The following HIP1 variants were observed in gnomAD, a reference collection of about 807,000 sequenced individuals.
The protein encoded by HIP1 is huntingtin interacting protein 1, also known as huntingtin-interacting protein 1.
In HIP1, 65 loss-of-function variants were observed where a neutral mutation model predicts 147.6. The ratio of observed to expected loss-of-function variants is 0.44; its 90% CI spans 0.36 to 0.54. HIP1 has a LOEUF of 0.54. Among genes scored for constraint, HIP1 ranks in the 20% least tolerant of loss-of-function variants. The probability of loss-of-function intolerance (pLI) is 0.00; values close to 1 mark genes in which losing one functional copy is unlikely to be tolerated. For missense variants in HIP1, 1,061 were observed against 1,299.6 expected, an observed-to-expected ratio of 0.82 and a Z score of 2.82; for synonymous variants, 479 against 504.0, an observed-to-expected ratio of 0.95 and a Z score of 0.67.
intron 23 of HIP1, among the ~76,000 whole-genome samples, chr7:75,548,483 T>G (rs1554491464): frequency 3.3e-5 from 5 of 151,840 alleles, no homozygotes; most frequent in Non-Finnish European, 7.4e-5. Flanking sequence ...TTTTTATAAT[T>G]TAAAAACATT....
Position 75,592,039 on chromosome 7 carries a change from T to C in HIP1, c.384+17A>G, listed in dbSNP as rs1386109090. 1 of 1,610,130 alleles carries C rather than the reference T, an allele frequency of 6.2e-7. No homozygotes were observed. Among genetic ancestry groups the C allele is most frequent in the Non-Finnish European group, 8.5e-7 (1 of 1,176,358 alleles). The stretch of plus-strand genomic sequence containing the variant: ...AAAGGAGAAGCAGGTGGCTCCTGAG[T>C]ACATCTCCAAACTCACCCACATCCT... On this transcript the variant is annotated intron_variant, in intron 4 of 30. Transcript: ENST00000336926.
chr7:75,617,841 G>T (rs1554506384), intron 1 of HIP1, among the ~76,000 whole-genome samples: 2 of 152,208 alleles, frequency 1.3e-5, no homozygotes, highest in South Asian at 2.1e-4. Flanking sequence ...AGTCACGCTG[G>T]CAGGTATTGC....
intron 28 of HIP1, among the ~76,000 whole-genome samples, chr7:75,542,479 A>T (rs1554490100): frequency 6.6e-6 from 1 of 151,300 alleles, no homozygotes; most frequent in East Asian, 2.0e-4. Context: ...TGGGCAGATC[A>T]CCTGAGGTGA....
At chr7:75,573,963 G>C in intron 7 of HIP1, 62 bp from the exon 8 acceptor site, 3 of 1,483,218 alleles carry the variant, frequency 2.0e-6, no homozygotes, top group South Asian at 1.2e-5. Flanking sequence ...AGCCTCTTCA[G>C]AGGGGCAGAG....
At chr7:75,553,350 G>T in intron 22 of HIP1, 103 bp downstream of exon 22, 1 of 1,366,432 alleles carries the variant, frequency 7.3e-7, no homozygotes. Flanking sequence ...CAAGTTCTAA[G>T]TGCAGAAAGA....
chr7:75,538,362 C>T (rs1401902687), intron 30 of HIP1, 138 bp from the exon 31 acceptor site: 14 of 725,328 alleles, frequency 1.9e-5, no homozygotes, highest in East Asian at 2.6e-5. Flanking sequence ...CCCCAAGTTT[C>T]GTGTCTAGGA....
intron 16 of HIP1, 83 bp from the exon 17 acceptor site, chr7:75,556,894 C>T: frequency 1.2e-6 from 1 of 854,044 alleles, no homozygotes; most frequent in Non-Finnish European, 2.0e-6. Flanking sequence ...CCCAAGCGAT[C>T]AACAAGAGAT....
intron 1 of HIP1, among the ~76,000 whole-genome samples, chr7:75,670,964 T>A (rs1296052023): frequency 2.6e-5 from 4 of 152,002 alleles, no homozygotes; most frequent in African/African-American, 9.7e-5. Flanking sequence ...ACTAAGTACC[T>A]CATATAACGG....
intron 19 of HIP1, among the ~76,000 whole-genome samples, chr7:75,555,195 C>G (rs1167808): frequency 9.0e-3 from 212 of 23,610 alleles, no homozygotes; most frequent in African/African-American, 0.019. Context: ...AGCGGGGGGG[C>G]GGGGGGGGGG....
chr7:75,738,738 C>A, intron 1 of HIP1, 63 bp downstream of exon 1: 3 of 1,556,422 alleles, frequency 1.9e-6, no homozygotes, highest in Non-Finnish European at 1.7e-6. Context: ...CCCTTCAAAG[C>A]CCCTCCCGGA....
chr7:75,595,187 C>CCTTTCTTTCT (rs1796645536), intron 2 of HIP1, among the ~76,000 whole-genome samples: 1 of 108,340 alleles, frequency 9.2e-6, no homozygotes, highest in Non-Finnish European at 2.0e-5. Flanking sequence ...GTGTAGGAGT[C>CCTTTCTTTCT]CTTTCTTTCT....
chr7:75,595,331 C>T (rs1359866514), intron 2 of HIP1, among the ~76,000 whole-genome samples: 1 of 146,518 alleles, frequency 6.8e-6, no homozygotes. Context: ...CCCTCTCTCT[C>T]TCGTTCGTTC....
chr7:75,561,380 T>G lies in HIP1; in HGVS notation c.1140A>C (p.Leu380=). 6.2e-7 allele frequency: 1 copy of G among 1,612,970 alleles called. No individual in the cohort carries two copies. Among genetic ancestry groups the G allele is most frequent in the Non-Finnish European group, 8.5e-7 (1 of 1,178,878 alleles). The change falls in exon 13 of 31, where the codon CTA becomes CTC. Residue 380 remains leucine, a synonymous_variant. Coordinates refer to ENST00000336926, the MANE Select transcript of HIP1 (RefSeq NM_005338.7). The part of the protein sequence containing the change: ...KDEKDHLIER[L]YREISGLKAQ... ...CCTTCAATCCACTGATCTCTCTGTA[T>G]AGTCGCTCAATTAAGTGGTCCCTGG...
chr7:75,672,091 G>A (rs1215516126), intron 1 of HIP1, among the ~76,000 whole-genome samples: 2 of 152,172 alleles, frequency 1.3e-5, no homozygotes, highest in African/African-American at 4.8e-5. Context: ...TTATCTCACT[G>A]TAGTTTTGAT....
At chr7:75,738,058 C>T (rs757359) in intron 1 of HIP1, among the ~76,000 whole-genome samples, 103,711 of 152,080 alleles carry the variant, frequency 0.68, 35,807 homozygotes, top group African/African-American at 0.79. Context: ...CAAGCCCTGG[C>T]CAGGCAGGAC....
intron 1 of HIP1, among the ~76,000 whole-genome samples, chr7:75,656,532 C>G (rs1175689409): frequency 6.6e-6 from 1 of 152,094 alleles, no homozygotes; most frequent in African/African-American, 2.4e-5. Flanking sequence ...GGCTGGAGTG[C>G]AATGGCATGA....
At chr7:75,639,198 AGGCGGCGGC>A (rs530262772) in intron 1 of HIP1, 67 of 974,512 alleles carry the variant, frequency 6.9e-5, no homozygotes, top group East Asian at 1.2e-4. Context: ...GGACCGGGGC[AGGCGGCGGC>A]GGCGGCGGCG....
Position 75,555,568 on chromosome 7 carries a change from G to C in HIP1, c.1828-17C>G, listed in dbSNP as rs1554493096. 1 of 1,614,050 alleles carries C rather than the reference G, an allele frequency of 6.2e-7. No individual in the cohort carries two copies. The highest frequency in any genetic ancestry group is 1.1e-5 in the South Asian group (1 of 91,080). On this transcript the variant is annotated splice_polypyrimidine_tract_variant and intron_variant, in intron 18 of 30. Transcript: ENST00000336926. ...CATAGATTCCTAAAAATGGTCCAGG[G>C]AGGTGAGAGTCTGCCCTAGACTCCA...
chr7:75,593,083 C>T (rs587653747), intron 2 of HIP1, among the ~76,000 whole-genome samples: 1 of 152,250 alleles, frequency 6.6e-6, no homozygotes, highest in African/African-American at 2.4e-5. Flanking sequence ...ATCCTCCTAC[C>T]TCAGCCTCCC....
Sources: allele counts gnomAD v4.1 joint callset (sites outside exome capture counted in the v4.1 genomes callset), GRCh38; gene constraint gnomAD v4.1.1; transcripts MANE v1.5; gene names NCBI Gene and HGNC (gene_info 2026-07-23, HGNC 2026-07-21).